The following ABCC8 variants were observed in gnomAD, a reference collection of about 807,000 sequenced individuals.
ABCC8 encodes the protein ATP-binding cassette sub-family C member 8.
A neutral mutation model predicts 188.0 loss-of-function variants in ABCC8; 137 were observed. The ratio of observed to expected loss-of-function variants is 0.73; its 90% CI spans 0.63 to 0.84. The LOEUF is 0.84. Ranked by LOEUF, ABCC8 falls within the 40% of genes least tolerant of loss-of-function variation. The probability of loss-of-function intolerance (pLI) is 0.00; values close to 1 mark genes in which losing one functional copy is unlikely to be tolerated. For missense variants in ABCC8, 1,750 were observed against 2,072.7 expected, an observed-to-expected ratio of 0.84 and a Z score of 3.02; for synonymous variants, 797 against 846.5, an observed-to-expected ratio of 0.94 and a Z score of 1.01.
rs948698428 is a variant in ABCC8 at position 17,442,670 on chromosome 11, C to T, written c.1630+50G>A. The T allele has an allele frequency of 4.4e-6, 7 of 1,586,430 alleles. No individual in the cohort carries two copies. The African/African-American group carries it at 8.1e-5, about 18-fold the overall frequency. ...CTTACCCGAGCTCTGACACCCTCTC[C>T]TTGCATGTACGCAGCAGCACCCAGG... On this transcript the variant is annotated intron_variant, in intron 10 of 38. Coordinates refer to ENST00000389817, the MANE Select transcript of ABCC8 (RefSeq NM_000352.6).
intron 20 of ABCC8, 151 bp from the exon 21 acceptor site, chr11:17,412,897 C>T (rs975201319): frequency 1.1e-5 from 17 of 1,489,002 alleles, no homozygotes; most frequent in African/African-American, 7.0e-5. Flanking sequence ...GGAACTTGCA[C>T]GTGTTTACTG....
At chr11:17,451,954 C>T (rs2133637284) in intron 7 of ABCC8, among the ~76,000 whole-genome samples, 1 of 152,250 alleles carries the variant, frequency 6.6e-6, no homozygotes, top group African/African-American at 2.4e-5. Context: ...GTTTCAATAC[C>T]CACCATGGCT....
intron 16 of ABCC8, among the ~76,000 whole-genome samples, chr11:17,417,433 G>T (rs184875084): frequency 1.1e-4 from 16 of 152,128 alleles, no homozygotes; most frequent in Non-Finnish European, 2.1e-4. Flanking sequence ...TATTTTTCGT[G>T]ATTTTTTCTC....
At chr11:17,454,445 G>T (rs751510544) in intron 6 of ABCC8, among the ~76,000 whole-genome samples, 17 of 152,298 alleles carry the variant, frequency 1.1e-4, no homozygotes, top group Non-Finnish European at 1.8e-4. Context: ...GACCACTGAG[G>T]GATGCGTGCA....
chr11:17,441,504 C>T (rs975209628), intron 10 of ABCC8, among the ~76,000 whole-genome samples: 4 of 152,168 alleles, frequency 2.6e-5, no homozygotes, highest in African/African-American at 9.6e-5. Flanking sequence ...GTTTTGGTTT[C>T]TTTTTTGTTT....
At chr11:17,450,876 A>G (rs2133632630) in intron 7 of ABCC8, among the ~76,000 whole-genome samples, 1 of 150,386 alleles carries the variant, frequency 6.6e-6, no homozygotes, top group Non-Finnish European at 1.5e-5. Flanking sequence ...TTTAGTAGAG[A>G]TGGGGTTTCA....
In ABCC8 at chr11:17,405,582, A is replaced by G; in HGVS notation, c.3330-19T>C. 3 of 1,614,204 alleles carry G rather than the reference A, an allele frequency of 1.9e-6. No individual in the cohort carries two copies. The stretch of plus-strand genomic sequence containing the variant: ...AAAAAACCTAAGAGGCAGCCAGAGG[A>G]AGAGTTACTCATTTGTCCATTGATT... On this transcript the variant is annotated intron_variant, in intron 26 of 38. Coordinates refer to ENST00000389817, the MANE Select transcript of ABCC8 (RefSeq NM_000352.6).
At position 17,407,090 on chromosome 11, in the gene ABCC8, G is replaced by A. The variant is rs750240747; in HGVS notation, c.2960C>T (p.Ser987Phe). 2.0e-5 allele frequency: 32 copies of A among 1,613,640 alleles called. No individual in the cohort carries two copies. The highest frequency in any genetic ancestry group is 4.0e-5 in the African/African-American group (3 of 74,924). The change falls in exon 25 of 39, where the codon TCC (serine) becomes TTC (phenylalanine). Residue 987 changes from serine to phenylalanine, a missense_variant. Physicochemically the swap from Ser to Phe is radical, Grantham distance 155. Coordinates refer to ENST00000389817, the MANE Select transcript of ABCC8 (RefSeq NM_000352.6). The part of the protein sequence containing the change: ...AESEEDDNLS[S>F]MLHQRAEIPW... ...GATCTCAGCACGCTGGTGCAGCATG[G>A]ACGACAGGTTGTCATCCTCCTCGCT...
chr11:17,417,615 G>T (rs181526783), intron 16 of ABCC8, among the ~76,000 whole-genome samples: 2 of 152,096 alleles, frequency 1.3e-5, no homozygotes, highest in African/African-American at 4.8e-5. Flanking sequence ...GCAGCCCCTT[G>T]CCAATGAAAT....
intron 6 of ABCC8, among the ~76,000 whole-genome samples, chr11:17,456,911 T>C (rs1043475815): frequency 2.0e-5 from 3 of 152,170 alleles, no homozygotes; most frequent in Non-Finnish European, 4.4e-5. Flanking sequence ...TGTCAGGCAG[T>C]GGGCTGAGTG....
At chr11:17,436,072 T>C in intron 10 of ABCC8, 3 of 935,148 alleles carry the variant, frequency 3.2e-6, no homozygotes, top group South Asian at 2.6e-5. Context: ...CTGCTCCATC[T>C]CTTCTTTGGC....
rs1276485246 is a variant in ABCC8 at position 17,403,397 on chromosome 11, A to T, written c.3558-644T>A. On this transcript the variant is annotated intron_variant, in intron 28 of 38. Coordinates refer to ENST00000389817, the MANE Select transcript of ABCC8 (RefSeq NM_000352.6). ...CAGGGTCAGACTGGGTGCCACAGAG[A>T]CTGGGCTGTTTCTCTGGCAGAAGAA... is the stretch of plus-strand genomic sequence containing the variant. Among the ~76,000 whole-genome samples, 26 of 152,130 alleles carry T rather than the reference A, an allele frequency of 1.7e-4. 1 individual carries two copies. Among genetic ancestry groups the T allele is most frequent in the Admixed American group, 1.7e-3 (26 of 15,268 alleles).
In ABCC8 at chr11:17,460,684, G is replaced by A. The variant is rs201000679; in HGVS notation, c.823-8C>T. On this transcript the variant is annotated splice_region_variant and splice_polypyrimidine_tract_variant and intron_variant, in intron 5 of 38. Transcript: ENST00000389817. Reference sequence around the variant, plus strand: ...GCCCTGAATGTCCTTCCGCTGCCCAGAGAGACCATGGCCAGGTCAGAGTGC... The same window carrying A: ...GCCCTGAATGTCCTTCCGCTGCCCAAAGAGACCATGGCCAGGTCAGAGTGC... 2.3e-5 allele frequency: 37 copies of A among 1,606,224 alleles called. No individual in the cohort carries two copies. In the African/African-American group the frequency reaches 4.3e-4, roughly 19 times the overall value.
rs747088402 is a variant in ABCC8, at chr11:17,395,697, A to G, written c.4220T>C (p.Ile1407Thr). ...TFEGHIIIDGIDIAKLPLHTL... is the reference protein window; with the variant it reads ...TFEGHIIIDGTDIAKLPLHTL... ...GTGCAGCGGCAGTTTGGCGATGTCA[A>G]TGCCATCAATGATGATGTGCCCTGC... Residue 1407 changes from isoleucine (I) to threonine (T), a missense_variant, in exon 35 of 39, where the codon ATT becomes ACT. By Grantham distance (89) the Ile-to-Thr change is moderately conservative. Transcript: ENST00000389817. 14 of 1,556,514 alleles carry G rather than the reference A, an allele frequency of 9.0e-6. No homozygotes were observed. Among genetic ancestry groups the G allele is most frequent in the Non-Finnish European group, 1.1e-5 (13 of 1,149,642 alleles).
chr11:17,398,415 A>T lies in ABCC8; in HGVS notation c.3677T>A (p.Leu1226His). 2 of 1,614,116 alleles carry T rather than the reference A, an allele frequency of 1.2e-6. No individual in the cohort carries two copies. Among genetic ancestry groups the T allele is most frequent in the Non-Finnish European group, 1.7e-6 (2 of 1,179,994 alleles). The stretch of plus-strand genomic sequence containing the variant: ...GTTGTTGGAGTCTGTGTATTCGAGA[A>T]GCTTCTGCTGGAACCGGGCCTCATA... ...FRYEARFQQKLLEYTDSNNIA... is the reference protein window; with the variant it reads ...FRYEARFQQKHLEYTDSNNIA... Residue 1226 changes from leucine (L) to histidine (H), a missense_variant, in exon 30 of 39, where the codon CTT becomes CAT. By Grantham distance (99) the Leu-to-His change is moderately conservative. Transcript: ENST00000389817.
rs151211613 is a variant in ABCC8 at position 17,463,465 on chromosome 11, G to A, written c.552C>T (p.Leu184=). The part of the protein sequence containing the change: ...LLVILYGMLL[L]VEVNVIRVRR... Reference sequence around the variant, plus strand: ...TCACCCTGATGACATTGACCTCCACGAGGAGCAGCATCCCATAGAGGATCA... The same window carrying A: ...TCACCCTGATGACATTGACCTCCACAAGGAGCAGCATCCCATAGAGGATCA... The change falls in exon 4 of 39, where the codon CTC becomes CTT. Residue 184 remains leucine (L), a synonymous_variant. Coordinates refer to ENST00000389817, the MANE Select transcript of ABCC8 (RefSeq NM_000352.6). The A allele has an allele frequency of 1.1e-4, 181 of 1,606,096 alleles. 2 individuals carry two copies. The South Asian group carries it at 1.8e-3, about 16-fold the overall frequency.
chr11:17,396,381 A>T (rs1953928839), intron 33 of ABCC8: 1 of 323,520 alleles, frequency 3.1e-6, no homozygotes, highest in African/African-American at 2.1e-5. Flanking sequence ...CAATACGGAG[A>T]CAGATAGTGA....
In ABCC8 at chr11:17,427,201, G is replaced by A. The variant is rs372963802; in HGVS notation, c.2117-47C>T. 6 of 1,561,810 alleles carry A rather than the reference G, an allele frequency of 3.8e-6. No homozygotes were observed. Among genetic ancestry groups the A allele is most frequent in the Admixed American group, 1.8e-5 (1 of 55,338 alleles). ...GATGTGAGTGGGGCCGGGGGAGTCT[G>A]AACAACCATTACCCAGAAAGACAGA... On this transcript the variant is annotated intron_variant, in intron 15 of 38. Transcript: ENST00000389817. This position sits in a 1 kb window ranked among gnomAD's most constrained non-coding sequence, Gnocchi z 5.0.
chr11:17,424,970 C>A (rs1025768022), intron 16 of ABCC8, among the ~76,000 whole-genome samples: 1 of 152,188 alleles, frequency 6.6e-6, no homozygotes, highest in African/African-American at 2.4e-5. Context: ...AAGGGCATGG[C>A]CCATAGGAGG....
Sources: allele counts gnomAD v4.1 joint callset (sites outside exome capture counted in the v4.1 genomes callset), GRCh38; gene constraint gnomAD v4.1.1; non-coding constraint Gnocchi (gnomAD v3.1); transcripts MANE v1.5; gene names NCBI Gene and HGNC (gene_info 2026-07-23, HGNC 2026-07-21).